The following SLC39A11 variants were observed in gnomAD, a reference collection of about 807,000 sequenced individuals.
SLC39A11 encodes the protein solute carrier family 39 member 11.
Under a neutral mutation model 36.1 loss-of-function variants are expected in SLC39A11, and 33 were observed. The ratio of observed to expected loss-of-function variants is 0.91; its 90% CI spans 0.69 to 1.22. The LOEUF is 1.22. Ranked by LOEUF, SLC39A11 falls within the 50% of genes most tolerant of loss-of-function variation. The pLI is 0.00. For missense variants in SLC39A11, 432 were observed against 430.3 expected (o/e 1.00, Z -0.03); for synonymous variants, 166 against 170.3 (o/e 0.97, Z 0.20).
intron 4 of SLC39A11, among the ~76,000 whole-genome samples, chr17:72,975,357 T>C (rs1020351565): frequency 2.6e-5 from 4 of 152,182 alleles, no homozygotes; most frequent in Non-Finnish European, 4.4e-5. Flanking sequence ...AAGAATCACT[T>C]GAACCCTGGA....
chr17:72,782,909 A>G (rs113064930), intron 6 of SLC39A11, among the ~76,000 whole-genome samples: 5,481 of 150,282 alleles, frequency 0.036, 305 homozygotes, highest in African/African-American at 0.12. Flanking sequence ...GGCTGAGGCA[A>G]GAGACTCACT....
Position 72,924,895 on chromosome 17 carries a change from G to A in SLC39A11, c.430+22857C>T, listed in dbSNP as rs147083361. On this transcript the variant is annotated intron_variant, in intron 5 of 9. Transcript: ENST00000255559. ...CGTGCACCTGTAGTCCCAGCTGCTC[G>A]GGAGGCTGAGGCCAGAGAAACACTT... 5.3e-3 allele frequency among the ~76,000 whole-genome samples: 801 copies of A among 151,938 alleles called. 5 individuals are homozygous for A. Among genetic ancestry groups the A allele is most frequent in the East Asian group, 0.02 (104 of 5,164 alleles).
chr17:72,653,636 T>A (rs1567907717), intron 7 of SLC39A11, among the ~76,000 whole-genome samples: 1 of 151,868 alleles, frequency 6.6e-6, no homozygotes, highest in Non-Finnish European at 1.5e-5. Context: ...GATGGGGTTT[T>A]ACCATGTTGG....
chr17:72,725,349 T>C (rs2073882436), intron 7 of SLC39A11, among the ~76,000 whole-genome samples: 1 of 152,156 alleles, frequency 6.6e-6, no homozygotes. Flanking sequence ...ACATAAAAGC[T>C]ATACTTTTAT....
At chr17:73,023,325 G>C (rs2058419821) in intron 4 of SLC39A11, among the ~76,000 whole-genome samples, 1 of 152,116 alleles carries the variant, frequency 6.6e-6, no homozygotes, top group Non-Finnish European at 1.5e-5. Flanking sequence ...ACTGTATTTA[G>C]AGATAGGGCC....
intron 7 of SLC39A11, 103 bp downstream of exon 7, chr17:72,736,547 G>A (rs2074437292): frequency 1.0e-6 from 1 of 958,486 alleles, no homozygotes; most frequent in Non-Finnish European, 1.7e-6. Flanking sequence ...GTGGGGCTGG[G>A]GTGCTGAACA....
At chr17:72,727,858 T>G (rs570640329) in intron 7 of SLC39A11, among the ~76,000 whole-genome samples, 40 of 152,234 alleles carry the variant, frequency 2.6e-4, no homozygotes, top group Non-Finnish European at 5.3e-4. Context: ...TAACGGCATC[T>G]GTACACCAGA....
At chr17:72,826,409 A>G (rs2078030547) in intron 6 of SLC39A11, among the ~76,000 whole-genome samples, 1 of 152,200 alleles carries the variant, frequency 6.6e-6, no homozygotes, top group South Asian at 2.1e-4. Context: ...GGTCTCAGGT[A>G]GTTCTTTACA....
chr17:72,965,125 C>T (rs2086875570), intron 4 of SLC39A11, among the ~76,000 whole-genome samples: 1 of 152,078 alleles, frequency 6.6e-6, no homozygotes, highest in Non-Finnish European at 1.5e-5. Flanking sequence ...GGAGGGAAAG[C>T]ATTAGGAGAT....
At chr17:72,790,536 TC>T (rs1302696249) in intron 6 of SLC39A11, among the ~76,000 whole-genome samples, 6 of 146,194 alleles carry the variant, frequency 4.1e-5, no homozygotes, top group African/African-American at 7.7e-5. Flanking sequence ...TCTCTCTCTC[TC>T]TTTTTTTTTT....
At chr17:72,985,613 A>T (rs888592319) in intron 4 of SLC39A11, among the ~76,000 whole-genome samples, 1 of 152,002 alleles carries the variant, frequency 6.6e-6, no homozygotes, top group East Asian at 1.9e-4. Flanking sequence ...GGGTTTCGCC[A>T]TGTTGGCCAG....
chr17:72,719,072 C>A (rs189116287), intron 7 of SLC39A11, among the ~76,000 whole-genome samples: 16 of 133,800 alleles, frequency 1.2e-4, no homozygotes, highest in African/African-American at 5.2e-4. Flanking sequence ...AACCCCGAAT[C>A]TACTAAAAAT....
intron 6 of SLC39A11, among the ~76,000 whole-genome samples, chr17:72,824,906 C>T (rs530196231): frequency 1.3e-5 from 2 of 151,488 alleles, no homozygotes; most frequent in Non-Finnish European, 3.0e-5. Context: ...TGATCTGAAA[C>T]TTGAACTTAT....
intron 3 of SLC39A11, among the ~76,000 whole-genome samples, chr17:73,077,708 G>A (rs960769675): frequency 2.0e-5 from 3 of 151,996 alleles, no homozygotes; most frequent in East Asian, 1.9e-4. Context: ...TCTTTCTACC[G>A]ACTACTTTAA....
chr17:72,900,189 GA>G (rs2082302997), intron 5 of SLC39A11, among the ~76,000 whole-genome samples: 1 of 145,296 alleles, frequency 6.9e-6, no homozygotes, highest in Non-Finnish European at 1.5e-5. Flanking sequence ...AAGAAAGAAA[GA>G]AAGAAAGAAA....
intron 6 of SLC39A11, among the ~76,000 whole-genome samples, chr17:72,815,862 A>C (rs2077565918): frequency 6.6e-6 from 1 of 152,206 alleles, no homozygotes; most frequent in Non-Finnish European, 1.5e-5. Flanking sequence ...TGGAGGCTGC[A>C]GTGAGCCGAG....
chr17:73,053,754 C>T (rs1490954373), intron 3 of SLC39A11, among the ~76,000 whole-genome samples: 1 of 152,134 alleles, frequency 6.6e-6, no homozygotes, highest in African/African-American at 2.4e-5. Flanking sequence ...TGGTGCCGAC[C>T]GCCCCCTGCC....
chr17:72,699,115 C>T (rs2072479786), intron 7 of SLC39A11, among the ~76,000 whole-genome samples: 1 of 151,804 alleles, frequency 6.6e-6, no homozygotes. Flanking sequence ...AGGGGTGAGC[C>T]ACAGCGCCTG....
intron 4 of SLC39A11, among the ~76,000 whole-genome samples, chr17:72,962,836 C>A (rs2086702679): frequency 6.6e-6 from 1 of 152,192 alleles, no homozygotes; most frequent in African/African-American, 2.4e-5. Flanking sequence ...CGGGCCCGGC[C>A]AGCCCTTAGG....
Sources: gnomAD v4.1 joint callset for allele counts (sites outside exome capture counted in the v4.1 genomes callset) on GRCh38, gnomAD v4.1.1 for gene constraint, MANE v1.5 for transcripts, NCBI Gene and HGNC (gene_info 2026-07-23, HGNC 2026-07-21) for gene names.